ADARB2: variants seen among roughly 807,000 people sequenced by gnomAD.
ADARB2 encodes inactive double-stranded RNA-specific editase B2.
A neutral mutation model predicts 62.2 loss-of-function variants in ADARB2; 25 were observed. The observed-to-expected ratio is 0.40, with a 90% CI of 0.29 to 0.56. The LOEUF is 0.56. Among genes scored for constraint, ADARB2 ranks in the 20% least tolerant of loss-of-function variants. The pLI is 0.43. For synonymous variants in ADARB2, 572 were observed against 500.8 expected (o/e 1.14, Z -1.90); for missense variants, 1,071 against 1,077.4 (o/e 0.99, Z 0.08).
In ADARB2 at chr10:1,704,301, G is replaced by A. The variant is rs1209921405; in HGVS notation, c.100+32750C>T. Among the ~76,000 whole-genome samples the A allele has an allele frequency of 6.6e-6, 1 of 152,146 alleles. No homozygotes were observed. Among genetic ancestry groups the A allele is most frequent in the East Asian group, 1.9e-4 (1 of 5,196 alleles). ...TATAATGAAATAATTATATAACTCA[G>A]CATAATGTAGAATCAGTGGGAGTCC... On this transcript the variant is annotated intron_variant, in intron 1 of 9. Transcript: ENST00000381312. The surrounding 1 kb of genome is among the most constrained non-coding windows in gnomAD (Gnocchi z 5.6).
intron 1 of ADARB2, among the ~76,000 whole-genome samples, chr10:1,707,167 G>A (rs994567034): frequency 6.6e-5 from 10 of 152,210 alleles, no homozygotes; most frequent in South Asian, 4.1e-4. Context: ...TCCTTCACGC[G>A]GTGTCCCGGA....
chr10:1,230,132 C>T (rs926980302), intron 6 of ADARB2, among the ~76,000 whole-genome samples: 1 of 151,936 alleles, frequency 6.6e-6, no homozygotes, highest in Non-Finnish European at 1.5e-5. Context: ...CTCTGGCCCC[C>T]AGCAAAGGTC....
chr10:1,639,844 CAAACA>C (rs1451856808), intron 1 of ADARB2, among the ~76,000 whole-genome samples: 2 of 149,668 alleles, frequency 1.3e-5, no homozygotes, highest in East Asian at 2.0e-4. Flanking sequence ...TCCTCTGTCT[CAAACA>C]AAACAAAACA....
intron 6 of ADARB2, among the ~76,000 whole-genome samples, chr10:1,217,470 A>T (rs1273331161): frequency 6.6e-6 from 1 of 152,236 alleles, no homozygotes; most frequent in African/African-American, 2.4e-5. Flanking sequence ...TGCTTCATTT[A>T]CAGATGCAGA....
intron 1 of ADARB2, among the ~76,000 whole-genome samples, chr10:1,543,067 G>A (rs1003903813): frequency 6.6e-6 from 1 of 152,282 alleles, no homozygotes; most frequent in South Asian, 2.1e-4. Context: ...CGACGGTGCG[G>A]CTTCCCTGCC....
At chr10:1,578,676 C>CACAG (rs138276650) in intron 1 of ADARB2, among the ~76,000 whole-genome samples, 9 of 151,790 alleles carry the variant, frequency 5.9e-5, no homozygotes, top group Non-Finnish European at 1.2e-4. Context: ...CACACACACA[C>CACAG]AGAGAGAAGT....
chr10:1,616,412 G>T (rs1014845369), intron 1 of ADARB2, among the ~76,000 whole-genome samples: 1 of 151,990 alleles, frequency 6.6e-6, no homozygotes, highest in Admixed American at 6.5e-5. Flanking sequence ...CTGCATCCTG[G>T]GAACTGGCCT....
At chr10:1,243,092 TC>T (rs913490257) in intron 4 of ADARB2, among the ~76,000 whole-genome samples, 10 of 152,196 alleles carry the variant, frequency 6.6e-5, no homozygotes, top group Non-Finnish European at 5.9e-5. Context: ...CACCAAATAC[TC>T]CAAGCAAGGG....
intron 1 of ADARB2, among the ~76,000 whole-genome samples, chr10:1,560,354 C>T (rs919277443): frequency 2.6e-5 from 4 of 152,190 alleles, no homozygotes; most frequent in Non-Finnish European, 4.4e-5. Flanking sequence ...CAACTTCTTT[C>T]ACCCATCACA....
chr10:1,391,766 A>ATTTTTTTTTTTTTTT (rs60956446), intron 1 of ADARB2, among the ~76,000 whole-genome samples: 1 of 91,614 alleles, frequency 1.1e-5, no homozygotes, highest in African/African-American at 4.4e-5. Flanking sequence ...TAAGAATTGG[A>ATTTTTTTTTTTTTTT]TTTTTTTTTT....
intron 3 of ADARB2, among the ~76,000 whole-genome samples, chr10:1,284,914 T>C (rs1831399600): frequency 6.6e-6 from 1 of 152,084 alleles, no homozygotes; most frequent in Admixed American, 6.6e-5. Flanking sequence ...GAGGGGTGAC[T>C]TCCCCTCCAG....
At chr10:1,418,728 C>T (rs570006001) in intron 1 of ADARB2, among the ~76,000 whole-genome samples, 6 of 152,126 alleles carry the variant, frequency 3.9e-5, no homozygotes, top group South Asian at 4.2e-4. Flanking sequence ...AGTTTTGGGC[C>T]GAGCAACACT....
At chr10:1,639,134 A>T (rs1047232901) in intron 1 of ADARB2, among the ~76,000 whole-genome samples, 2 of 152,224 alleles carry the variant, frequency 1.3e-5, no homozygotes, top group Non-Finnish European at 2.9e-5. Flanking sequence ...TGGGAGGGCC[A>T]TGGTCCCATG....
At chr10:1,723,450 G>C (rs186691896) in intron 1 of ADARB2, among the ~76,000 whole-genome samples, 1 of 152,172 alleles carries the variant, frequency 6.6e-6, no homozygotes, top group Admixed American at 6.5e-5. Flanking sequence ...TCACCATCTC[G>C]CTTTCTTCGG....
At chr10:1,216,555 T>G in intron 7 of ADARB2, 3 of 219,676 alleles carry the variant, frequency 1.4e-5, no homozygotes, top group Non-Finnish European at 1.8e-5. Flanking sequence ...TCCCTGGACA[T>G]TAGTCAGGTT....
intron 1 of ADARB2, among the ~76,000 whole-genome samples, chr10:1,468,064 T>C (rs1831274721): frequency 6.6e-6 from 1 of 152,284 alleles, no homozygotes; most frequent in East Asian, 1.9e-4. Flanking sequence ...AGCCAATATG[T>C]TGTTTTTAAT....
At chr10:1,659,983 G>T (rs576638501) in intron 1 of ADARB2, among the ~76,000 whole-genome samples, 1 of 151,826 alleles carries the variant, frequency 6.6e-6, no homozygotes, top group African/African-American at 2.4e-5. Context: ...TCATCTGCCT[G>T]CCTTCCTTCC....
At chr10:1,628,512 T>C (rs1833800983) in intron 1 of ADARB2, among the ~76,000 whole-genome samples, 1 of 152,250 alleles carries the variant, frequency 6.6e-6, no homozygotes, top group African/African-American at 2.4e-5. Context: ...GAAAATAGTT[T>C]AATCACGGCC....
intron 1 of ADARB2, among the ~76,000 whole-genome samples, chr10:1,493,729 C>CTTTTTTTTTTTTTTTTTTTTTT (rs555812632): frequency 1.8e-5 from 1 of 56,810 alleles, no homozygotes; most frequent in Non-Finnish European, 3.1e-5. Flanking sequence ...ATATGGCATT[C>CTTTTTTTTTTTTTTTTTTTTTT]TTTTTTTTTT....
Sources: allele counts gnomAD v4.1 joint callset (sites outside exome capture counted in the v4.1 genomes callset), GRCh38; gene constraint gnomAD v4.1.1; non-coding constraint Gnocchi (gnomAD v3.1); transcripts MANE v1.5; gene names NCBI Gene and HGNC (gene_info 2026-07-23, HGNC 2026-07-21).